MSRA: variants seen among roughly 807,000 people sequenced by gnomAD.
MSRA encodes the protein mitochondrial peptide methionine sulfoxide reductase.
In MSRA, 54 loss-of-function variants were observed where a neutral mutation model predicts 31.3. The observed-to-expected ratio is 1.73, with a 90% confidence interval of 1.39 to 2.17. MSRA has a LOEUF of 2.17. Ranked by LOEUF, MSRA falls within the 30% of genes most tolerant of loss-of-function variation. The pLI is 0.00. For missense variants in MSRA, 507 were observed against 300.9 expected, an observed-to-expected ratio of 1.69 and a Z score of -5.07; for synonymous variants, 169 against 116.5, an observed-to-expected ratio of 1.45 and a Z score of -2.90.
At chr8:10,263,700 G>C (rs1308302021) in intron 3 of MSRA, among the ~76,000 whole-genome samples, 1 of 152,190 alleles carries the variant, frequency 6.6e-6, no homozygotes, top group African/African-American at 2.4e-5. Context: ...CTGAAGGGAA[G>C]CCTGCTGGGG....
At chr8:10,269,641 T>C (rs968619279) in intron 3 of MSRA, among the ~76,000 whole-genome samples, 1 of 152,022 alleles carries the variant, frequency 6.6e-6, no homozygotes, top group African/African-American at 2.4e-5. Context: ...TTTGTTGTTG[T>C]TGTTGTTTGT....
At chr8:10,378,172 C>G (rs771020028) in intron 5 of MSRA, among the ~76,000 whole-genome samples, 1 of 152,238 alleles carries the variant, frequency 6.6e-6, no homozygotes, top group Non-Finnish European at 1.5e-5. Context: ...AGTCTCAGCT[C>G]TGCCACAGGC....
chr8:10,107,860 G>T (rs1799998307), intron 1 of MSRA, among the ~76,000 whole-genome samples: 1 of 152,112 alleles, frequency 6.6e-6, no homozygotes, highest in Non-Finnish European at 1.5e-5. Flanking sequence ...CCCGGATATT[G>T]CTAAGTGATT....
intron 2 of MSRA, among the ~76,000 whole-genome samples, 198 bp from the exon 3 acceptor site, chr8:10,244,906 G>A (rs545668232): frequency 6.6e-6 from 1 of 152,116 alleles, no homozygotes; most frequent in African/African-American, 2.4e-5. Context: ...GATATTCTAT[G>A]CAAATAATTG....
intron 1 of MSRA, among the ~76,000 whole-genome samples, chr8:10,085,321 G>C (rs1798505553): frequency 6.6e-6 from 1 of 152,152 alleles, no homozygotes; most frequent in African/African-American, 2.4e-5. Flanking sequence ...AACATCATCT[G>C]TAAGGCCTCC....
At chr8:10,287,244 G>C (rs1165027596) in intron 3 of MSRA, among the ~76,000 whole-genome samples, 5 of 152,192 alleles carry the variant, frequency 3.3e-5, no homozygotes. Context: ...TGGGGAGAAA[G>C]CATGAAATTA....
intron 1 of MSRA, among the ~76,000 whole-genome samples, chr8:10,161,794 C>G (rs918748609): frequency 6.6e-6 from 1 of 151,986 alleles, no homozygotes; most frequent in Non-Finnish European, 1.5e-5. Context: ...AAGGCCACTT[C>G]AGCTTTGGAG....
chr8:10,346,023 T>C (rs1437427307), intron 5 of MSRA, among the ~76,000 whole-genome samples: 2 of 149,934 alleles, frequency 1.3e-5, no homozygotes, highest in South Asian at 2.1e-4. Context: ...TTTTTGTTTA[T>C]TTGCTTGGCT....
intron 1 of MSRA, among the ~76,000 whole-genome samples, chr8:10,147,042 C>A (rs991050399): frequency 2.6e-5 from 4 of 152,156 alleles, no homozygotes; most frequent in African/African-American, 9.7e-5. Context: ...GGTGGCCCTT[C>A]CCAGGTACAG....
rs115324331 is a variant in MSRA at position 10,329,489 on chromosome 8, A to G, written c.543+9500A>G. 1.0e-2 allele frequency among the ~76,000 whole-genome samples: 1,516 copies of G among 152,310 alleles called. 27 individuals are homozygous for G. The highest frequency in any genetic ancestry group is 0.035 in the African/African-American group (1,463 of 41,560). ...AGTTGCATTTAGGGCCCACCCAAAC[A>G]ATCAAGAATACTCCCGCATCTCAAC... is the stretch of plus-strand genomic sequence containing the variant. On this transcript the variant is annotated intron_variant, in intron 5 of 5. Transcript: ENST00000317173.
intron 5 of MSRA, among the ~76,000 whole-genome samples, chr8:10,426,911 G>T (rs901978431): frequency 3.9e-5 from 6 of 152,124 alleles, no homozygotes; most frequent in Admixed American, 2.6e-4. Flanking sequence ...GGCTGCCTCT[G>T]AGCTGGCTGG....
chr8:10,103,534 C>G (rs559880429), intron 1 of MSRA, among the ~76,000 whole-genome samples: 1 of 152,114 alleles, frequency 6.6e-6, no homozygotes, highest in African/African-American at 2.4e-5. Flanking sequence ...AAGGGTTGTT[C>G]AGAATATTAA....
chr8:10,183,557 T>G (rs1806735664), intron 1 of MSRA, among the ~76,000 whole-genome samples: 1 of 152,074 alleles, frequency 6.6e-6, no homozygotes, highest in African/African-American at 2.4e-5. Context: ...GCAAAAATGG[T>G]TCAAAATATA....
intron 1 of MSRA, chr8:10,095,571 GGA>G: frequency 2.0e-6 from 2 of 985,792 alleles, no homozygotes; most frequent in Non-Finnish European, 2.4e-6. Context: ...AGAGAAAGAG[GGA>G]GAGAGAGAGG....
intron 3 of MSRA, among the ~76,000 whole-genome samples, chr8:10,295,579 A>G (rs900308529): frequency 6.6e-6 from 1 of 152,090 alleles, no homozygotes; most frequent in African/African-American, 2.4e-5. Context: ...TCTCGTCTAC[A>G]TAAGACCTGC....
chr8:10,077,358 G>T (rs1798042594), intron 1 of MSRA, among the ~76,000 whole-genome samples: 1 of 152,090 alleles, frequency 6.6e-6, no homozygotes, highest in Admixed American at 6.5e-5. Context: ...TTTTAAAGAT[G>T]GGAGAGACTC....
chr8:10,083,510 C>A (rs1798393751), intron 1 of MSRA, among the ~76,000 whole-genome samples: 1 of 152,096 alleles, frequency 6.6e-6, no homozygotes, highest in Admixed American at 6.5e-5. Context: ...AAGTTTTTCT[C>A]CAGGGAAATA....
intron 3 of MSRA, among the ~76,000 whole-genome samples, chr8:10,256,139 C>T (rs959915960): frequency 6.6e-6 from 1 of 152,260 alleles, no homozygotes; most frequent in South Asian, 2.1e-4. Flanking sequence ...CCCATCCTCC[C>T]CCCCCAACCC....
intron 1 of MSRA, among the ~76,000 whole-genome samples, chr8:10,113,289 C>CTTTTTTTTTTTTT (rs1467440154): frequency 0.054 from 2,762 of 50,800 alleles, 1,137 homozygotes; most frequent in Admixed American, 0.077. Context: ...GAAGACAGGT[C>CTTTTTTTTTTTTT]TTCTTTTTTT....
Sources: gnomAD v4.1 joint callset for allele counts (sites outside exome capture counted in the v4.1 genomes callset) on GRCh38, gnomAD v4.1.1 for gene constraint, MANE v1.5 for transcripts, NCBI Gene and HGNC (gene_info 2026-07-23, HGNC 2026-07-21) for gene names.